PRRC2B: variants seen among roughly 807,000 people sequenced by gnomAD.
The protein encoded by PRRC2B is protein PRRC2B.
Under a neutral mutation model 242.3 loss-of-function variants are expected in PRRC2B, and 68 were observed. The ratio of observed to expected loss-of-function variants is 0.28; its 90% CI spans 0.23 to 0.34. The LOEUF is 0.34. Ranked by LOEUF, PRRC2B falls within the 10% of genes least tolerant of loss-of-function variation. The probability of loss-of-function intolerance (pLI) is 1.00; values close to 1 mark genes in which losing one functional copy is unlikely to be tolerated. For missense variants in PRRC2B, 2,835 were observed against 2,954.8 expected, an observed-to-expected ratio of 0.96 and a Z score of 0.94; for synonymous variants, 1,228 against 1,173.6, an observed-to-expected ratio of 1.05 and a Z score of -0.95.
At chr9:131,490,930 A>AC in intron 28 of PRRC2B, 2 of 290,748 alleles carry the variant, frequency 6.9e-6, no homozygotes, top group Non-Finnish European at 1.4e-5. Context: ...TCTGGTGTGC[A>AC]CCCACAGATC....
intron 5 of PRRC2B, among the ~76,000 whole-genome samples, chr9:131,440,594 C>A (rs187888044): frequency 7.2e-5 from 11 of 152,284 alleles, no homozygotes; most frequent in Middle Eastern, 6.8e-3. Context: ...AAATTATACT[C>A]GCCCGTGTGT....
At chr9:131,436,825 T>C in intron 4 of PRRC2B, 103 bp downstream of exon 4, 1 of 906,014 alleles carries the variant, frequency 1.1e-6, no homozygotes, top group Non-Finnish European at 1.7e-6. Flanking sequence ...AGTGTGGTTG[T>C]GCATGACCTG....
At position 131,482,326 on chromosome 9, in the gene PRRC2B, C is replaced by T. The variant is rs375964858; in HGVS notation, c.4984-45C>T. The T allele has an allele frequency of 5.9e-6, 9 of 1,512,998 alleles. No individual in the cohort carries two copies. The highest frequency in any genetic ancestry group is 1.4e-5 in the African/African-American group (1 of 71,768). 93.7% of individuals were successfully genotyped at this position (1,512,998 alleles called of 1,614,324 possible). On this transcript the variant is annotated intron_variant, in intron 20 of 31. Transcript: ENST00000683519. This position sits in a 1 kb window ranked among gnomAD's most constrained non-coding sequence, Gnocchi z 5.2. ...CATGCAGTTTTACTCTCTGGATAATCGAGTTGGGAGTTTGAGGCTATAACC... is the reference window on the plus strand; with the variant it reads ...CATGCAGTTTTACTCTCTGGATAATTGAGTTGGGAGTTTGAGGCTATAACC...
chr9:131,476,343 T>G lies in PRRC2B; in HGVS notation c.4214T>G (p.Leu1405Arg), dbSNP rs199680662. 5.6e-3 allele frequency: 8,903 copies of G among 1,587,276 alleles called. 39 individuals carry two copies. Among genetic ancestry groups the G allele is most frequent in the Non-Finnish European group, 6.7e-3 (7,867 of 1,167,010 alleles). The change falls in exon 16 of 32, where the codon CTG (leucine) becomes CGG (arginine). Residue 1405 changes from leucine to arginine, a missense_variant. Transcript: ENST00000683519. ...CCCGACTCCCAGGTGGATGGTGGCCTGTCGGGGGCTAGTTTGGGTGAGAAG... is the reference window on the plus strand; with the variant it reads ...CCCGACTCCCAGGTGGATGGTGGCCGGTCGGGGGCTAGTTTGGGTGAGAAG... ...SEPDSQVDGG[L>R]SGASLGEKKE...
chr9:131,471,070 C>A, intron 14 of PRRC2B, 87 bp downstream of exon 14: 2 of 968,400 alleles, frequency 2.1e-6, no homozygotes, highest in Non-Finnish European at 3.0e-6. Context: ...AACAGATACA[C>A]CTGGATTTTG....
At chr9:131,398,982 G>T (rs1290788552) in intron 1 of PRRC2B, among the ~76,000 whole-genome samples, 1 of 149,280 alleles carries the variant, frequency 6.7e-6, no homozygotes, top group Non-Finnish European at 1.5e-5. Context: ...TGTCTCAAAA[G>T]AATAAAAAGT....
intron 1 of PRRC2B, among the ~76,000 whole-genome samples, chr9:131,398,365 G>T (rs1310419145): frequency 2.6e-5 from 4 of 152,242 alleles, no homozygotes; most frequent in Non-Finnish European, 5.9e-5. Flanking sequence ...CGTCCGAGCT[G>T]AAGTGCACCT....
intron 5 of PRRC2B, among the ~76,000 whole-genome samples, chr9:131,439,740 A>G (rs867934296): frequency 5.3e-5 from 8 of 152,138 alleles, no homozygotes; most frequent in African/African-American, 1.7e-4. Context: ...TCAGTGCCCC[A>G]GCTTCTCCCA....
chr9:131,401,018 A>G lies in PRRC2B; in HGVS notation c.-52+6755A>G, dbSNP rs142302148. ...CTCTTGTTGCCTAGGCTGGAGAGCAATGGCGCGATCTTGGCTCACTGCAAC... is the reference window on the plus strand; with the variant it reads ...CTCTTGTTGCCTAGGCTGGAGAGCAGTGGCGCGATCTTGGCTCACTGCAAC... On this transcript the variant is annotated intron_variant, in intron 1 of 31. Coordinates refer to ENST00000683519, the MANE Select transcript of PRRC2B (RefSeq NM_013318.4). Among the ~76,000 whole-genome samples, 1,423 of 149,058 alleles carry G rather than the reference A, an allele frequency of 9.5e-3. 32 individuals carry two copies. The highest frequency in any genetic ancestry group is 0.033 in the African/African-American group (1,346 of 40,248).
chr9:131,388,643 A>G (rs985795653), intron 1 of PRRC2B, among the ~76,000 whole-genome samples: 1 of 149,324 alleles, frequency 6.7e-6, no homozygotes, highest in Admixed American at 7.0e-5. Context: ...TCCTGGGTTC[A>G]AGTGATTCAC....
intron 1 of PRRC2B, among the ~76,000 whole-genome samples, chr9:131,424,550 G>C (rs1387160223): frequency 6.6e-6 from 1 of 152,090 alleles, no homozygotes; most frequent in Non-Finnish European, 1.5e-5. Context: ...GCTGGGCGTG[G>C]TGGCGCGCAC....
At position 131,456,402 on chromosome 9, in the gene PRRC2B, C is replaced by T. The variant is rs570482306; in HGVS notation, c.1211+1236C>T. Among the ~76,000 whole-genome samples, 26 of 151,962 alleles carry T rather than the reference C, an allele frequency of 1.7e-4. No individual in the cohort carries two copies. The South Asian group carries it at 4.4e-3, about 26-fold the overall frequency. ...ATCCTAGCACTTTGGGAGGCCAAGG[C>T]GGGCGGATCACGAGGTCAGGAGATC... On this transcript the variant is annotated intron_variant, in intron 10 of 31. Coordinates refer to ENST00000683519, the MANE Select transcript of PRRC2B (RefSeq NM_013318.4).
rs576249508 is a variant in PRRC2B at position 131,413,075 on chromosome 9, ATAAAT to A, written c.-51-17015_-51-17011del. On this transcript the variant is annotated intron_variant, in intron 1 of 31. Coordinates refer to ENST00000683519, the MANE Select transcript of PRRC2B (RefSeq NM_013318.4). ...CTTAAATATCTGCTAGCTGTAATAA[ATAAAT>A]TAATGTACTTTATATTCTTAGCTCC... Among the ~76,000 whole-genome samples the A allele has an allele frequency of 6.0e-3, 910 of 152,386 alleles. 7 individuals are homozygous for A. The highest frequency in any genetic ancestry group is 0.011 in the Non-Finnish European group (739 of 68,046).
At chr9:131,381,782 C>T (rs927214834) in intron 1 of PRRC2B, among the ~76,000 whole-genome samples, 1 of 152,112 alleles carries the variant, frequency 6.6e-6, no homozygotes, top group Admixed American at 6.6e-5. Context: ...CTCTGTCCCC[C>T]AGGCTGGAGT....
chr9:131,431,580 A>G (rs1838173111), intron 2 of PRRC2B, among the ~76,000 whole-genome samples: 1 of 131,376 alleles, frequency 7.6e-6, no homozygotes, highest in Non-Finnish European at 1.6e-5. Context: ...TATCCTTAAT[A>G]AAGAATTTTT....
chr9:131,427,262 ACT>A (rs1838001490), intron 1 of PRRC2B, among the ~76,000 whole-genome samples: 1 of 151,958 alleles, frequency 6.6e-6, no homozygotes. Flanking sequence ...CTTTTGTCTC[ACT>A]TTTTTTGGCC....
chr9:131,416,929 T>G (rs927959368), intron 1 of PRRC2B, among the ~76,000 whole-genome samples: 1 of 152,174 alleles, frequency 6.6e-6, no homozygotes, highest in African/African-American at 2.4e-5. Flanking sequence ...ATGAGGATAT[T>G]AATTTTATAA....
Position 131,446,965 on chromosome 9 carries a change from C to T in PRRC2B, c.856-120C>T. ...GATGGTGGTAGGATTAATTAGGAAA[C>T]CCCATGACTTTCCTGTTTCTTTTTC... On this transcript the variant is annotated intron_variant, in intron 7 of 31. Coordinates refer to ENST00000683519, the MANE Select transcript of PRRC2B (RefSeq NM_013318.4). This position sits in a 1 kb window ranked among gnomAD's most constrained non-coding sequence, Gnocchi z 4.1. The T allele has an allele frequency of 1.5e-6, 2 of 1,293,364 alleles. No homozygotes were observed. The highest frequency in any genetic ancestry group is 2.8e-5 in the South Asian group (2 of 70,686). The allele number at this position is 1,293,364 out of a possible 1,614,324, so 80.1% of individuals were successfully genotyped here. A position where few individuals can be genotyped will look rare whatever the true frequency, so the allele number is the denominator to read the frequency against.
intron 12 of PRRC2B, 117 bp downstream of exon 12, chr9:131,465,195 A>G: frequency 1.0e-6 from 1 of 994,690 alleles, no homozygotes; most frequent in East Asian, 2.6e-5. Context: ...ACGAGATCGT[A>G]TTGGGAAGCA....
Sources: allele counts gnomAD v4.1 joint callset (sites outside exome capture counted in the v4.1 genomes callset), GRCh38; gene constraint gnomAD v4.1.1; non-coding constraint Gnocchi (gnomAD v3.1); transcripts MANE v1.5; gene names NCBI Gene and HGNC (gene_info 2026-07-23, HGNC 2026-07-21).